Variants in KAT6A observed in about 807,000 individuals in gnomAD.
The protein encoded by KAT6A is histone acetyltransferase KAT6A.
KAT6A carries 9 observed loss-of-function variants against 198.4 expected under a neutral mutation model. That is an observed-to-expected ratio of 0.05 (90% CI 0.03 to 0.08). The LOEUF is 0.08. KAT6A is among the 10% of genes least tolerant of loss of function. The probability of loss-of-function intolerance (pLI) is 1.00; values close to 1 mark genes in which losing one functional copy is unlikely to be tolerated. For synonymous variants in KAT6A, 890 were observed against 883.0 expected (o/e 1.01, Z -0.14); for missense variants, 2,077 against 2,509.9 (o/e 0.83, Z 3.69).
intron 2 of KAT6A, among the ~76,000 whole-genome samples, chr8:42,022,348 C>G (rs1033458915): frequency 6.6e-6 from 1 of 150,634 alleles, no homozygotes; most frequent in Non-Finnish European, 1.5e-5. Context: ...GCAAAAAAAC[C>G]TAGATATTTC....
intron 7 of KAT6A, among the ~76,000 whole-genome samples, chr8:41,975,916 T>G (rs550295272): frequency 6.6e-6 from 1 of 152,370 alleles, no homozygotes; most frequent in African/African-American, 2.4e-5. Flanking sequence ...TCTGAGATTC[T>G]TTCCTAGTTT....
At chr8:42,019,303 C>T (rs965714897) in intron 2 of KAT6A, among the ~76,000 whole-genome samples, 1 of 151,922 alleles carries the variant, frequency 6.6e-6, no homozygotes, top group African/African-American at 2.4e-5. Flanking sequence ...TCTTATGTGC[C>T]AGGAACATTT....
intron 2 of KAT6A, among the ~76,000 whole-genome samples, chr8:41,991,565 A>C (rs927254659): frequency 6.6e-6 from 1 of 152,176 alleles, no homozygotes; most frequent in African/African-American, 2.4e-5. Flanking sequence ...TGTGTAGTTA[A>C]GGTGTACACT....
In KAT6A at chr8:42,049,156, G is replaced by C. The variant is rs891064319; in HGVS notation, c.-179C>G. ...AGAATGCCACCCCAATTGTACTATA[G>C]AAACCAAAACAACCTGTTGATTGAA... On this transcript the variant is annotated 5_prime_UTR_variant, in exon 2 of 17. Transcript: ENST00000265713. 3.3e-5 allele frequency: 20 copies of C among 614,082 alleles called. No individual in the cohort carries two copies. The highest frequency in any genetic ancestry group is 5.3e-5 in the Non-Finnish European group (19 of 358,468). 38.0% of individuals were successfully genotyped at this position (614,082 alleles called of 1,614,324 possible). A position where few individuals can be genotyped will look rare whatever the true frequency, so the allele number is the denominator to read the frequency against.
chr8:41,962,895 G>C (rs1823280353), intron 8 of KAT6A, among the ~76,000 whole-genome samples: 1 of 152,070 alleles, frequency 6.6e-6, no homozygotes, highest in Non-Finnish European at 1.5e-5. Flanking sequence ...CCTATGCCTG[G>C]AATGCTATTC....
rs1325940849 is a variant in KAT6A at position 41,931,582 on chromosome 8, A to C, written c.*623T>G. The C allele has an allele frequency of 5.0e-6, 1 of 201,714 alleles. No homozygotes were observed. Among genetic ancestry groups the C allele is most frequent in the Non-Finnish European group, 1.0e-5 (1 of 98,058 alleles). The allele number at this position is 201,714 out of a possible 1,614,324, so 12.5% of individuals were successfully genotyped here. On this transcript the variant is annotated 3_prime_UTR_variant, in exon 17 of 17. Coordinates refer to ENST00000265713, the MANE Select transcript of KAT6A (RefSeq NM_006766.5). ...TTTCAAGAGGTGTGTGTGTGTGAGG[A>C]GTGGAGGGGATTTTAAAAGGAGAAG...
At chr8:41,983,995 G>GC (rs1432042551) in intron 3 of KAT6A, among the ~76,000 whole-genome samples, 1 of 152,132 alleles carries the variant, frequency 6.6e-6, no homozygotes, top group Admixed American at 6.5e-5. Context: ...TACTTATATA[G>GC]CTTTTGGCCC....
chr8:41,972,204 G>A (rs1823828696), intron 8 of KAT6A, among the ~76,000 whole-genome samples: 1 of 152,100 alleles, frequency 6.6e-6, no homozygotes, highest in African/African-American at 2.4e-5. Flanking sequence ...CAAATAGGAA[G>A]AAGAAAAAGC....
Position 41,933,228 on chromosome 8 carries a change from T to TGGCGGC in KAT6A, c.4986_4991dup (p.Pro1663_Pro1664dup). The TGGCGGC allele has an allele frequency of 6.4e-7, 1 of 1,553,420 alleles. No individual in the cohort carries two copies. Among genetic ancestry groups the TGGCGGC allele is most frequent in the Non-Finnish European group, 8.7e-7 (1 of 1,153,414 alleles). On this transcript the variant is annotated inframe_insertion, in exon 17 of 17. Transcript: ENST00000265713. The surrounding 1 kb of genome is among the most constrained non-coding windows in gnomAD (Gnocchi z 6.2). Reference sequence around the variant, plus strand: ...GAGGCTGTGGTGCTGGTTGTGGTTGTGGCGGCGGCGGCTGTGGCTGCTGTG... The same window carrying TGGCGGC: ...GAGGCTGTGGTGCTGGTTGTGGTTGTGGCGGCGGCGGCGGCGGCTGTGGCTGCTGTG...
chr8:41,951,400 T>G (rs1822662255), intron 9 of KAT6A, among the ~76,000 whole-genome samples: 2 of 152,062 alleles, frequency 1.3e-5, no homozygotes, highest in Non-Finnish European at 2.9e-5. Context: ...TATAAACAAC[T>G]GCTGTTCTCT....
rs777227443 is a variant in KAT6A, at chr8:41,932,579, C to A, written c.5641G>T (p.Ala1881Ser). ...QQQLYGRSPS[A>S]VAMQAGPRAL... is the part of the protein sequence containing the mutation. ...CGAGGGCCAGCCTGCATGGCAACTGCCGATGGGCTACGGCCATACAGCTGC... is the reference window on the plus strand; with the variant it reads ...CGAGGGCCAGCCTGCATGGCAACTGACGATGGGCTACGGCCATACAGCTGC... Residue 1881 changes from alanine (A) to serine (S), a missense_variant, in exon 17 of 17, where the codon GCA becomes TCA. Physicochemically the swap from Ala to Ser is moderately conservative, Grantham distance 99. This residue lies in a region of KAT6A where 500 missense variants were observed against 577.2 expected (regional missense o/e 0.87). Coordinates refer to ENST00000265713, the MANE Select transcript of KAT6A (RefSeq NM_006766.5). The A allele has an allele frequency of 3.1e-6, 5 of 1,614,236 alleles. No individual in the cohort carries two copies. Among genetic ancestry groups the A allele is most frequent in the Non-Finnish European group, 4.2e-6 (5 of 1,180,030 alleles).
At chr8:42,044,362 A>T (rs1482310210) in intron 2 of KAT6A, among the ~76,000 whole-genome samples, 1 of 152,036 alleles carries the variant, frequency 6.6e-6, no homozygotes, top group African/African-American at 2.4e-5. Flanking sequence ...CGGCATCCCA[A>T]AGTGCTGGGA....
At chr8:42,051,305 G>GC (rs1802622416) in intron 1 of KAT6A, among the ~76,000 whole-genome samples, 1 of 151,718 alleles carries the variant, frequency 6.6e-6, no homozygotes, top group African/African-American at 2.4e-5. Flanking sequence ...CACGTGCTGC[G>GC]CCTCGCACCA....
rs928384143 is a variant in KAT6A, at chr8:42,031,722, C to T, written c.600+16656G>A. Among the ~76,000 whole-genome samples the T allele has an allele frequency of 2.7e-5, 4 of 148,566 alleles. No individual in the cohort carries two copies. The Admixed American group carries it at 2.7e-4, about 10-fold the overall frequency. ...TTGGCTCACCGCAACCTCCACCTCC[C>T]GGGTTCAAGCAATTCTCCCTGCCTC... On this transcript the variant is annotated intron_variant, in intron 2 of 16. Coordinates refer to ENST00000265713, the MANE Select transcript of KAT6A (RefSeq NM_006766.5).
chr8:42,047,676 G>GCTGGGATTA (rs1041398835), intron 2 of KAT6A, among the ~76,000 whole-genome samples: 5 of 152,090 alleles, frequency 3.3e-5, no homozygotes, highest in African/African-American at 1.2e-4. Flanking sequence ...CTCCCAAAGC[G>GCTGGGATTA]CTGGGATTAC....
At chr8:41,939,283 C>T (rs1821992227) in intron 15 of KAT6A, among the ~76,000 whole-genome samples, 1 of 152,158 alleles carries the variant, frequency 6.6e-6, no homozygotes, top group African/African-American at 2.4e-5. Flanking sequence ...AAGTAGAAAC[C>T]TGACAAACAA....
intron 7 of KAT6A, 150 bp downstream of exon 7, chr8:41,976,858 A>G (rs1824078512): frequency 3.1e-6 from 2 of 649,826 alleles, no homozygotes; most frequent in Non-Finnish European, 4.9e-6. Flanking sequence ...TTATCACCTC[A>G]GTATCATCTA....
intron 2 of KAT6A, among the ~76,000 whole-genome samples, chr8:42,003,244 A>C (rs367820308): frequency 6.6e-6 from 1 of 152,112 alleles, no homozygotes; most frequent in Non-Finnish European, 1.5e-5. Context: ...AGCTTCCTTC[A>C]GCTCTCAGAA....
At chr8:42,001,616 T>TGTGCA (rs1339975725) in intron 2 of KAT6A, among the ~76,000 whole-genome samples, 1 of 152,246 alleles carries the variant, frequency 6.6e-6, no homozygotes, top group Non-Finnish European at 1.5e-5. Flanking sequence ...AGTTTGATTC[T>TGTGCA]GTGCAGTGCA....
Sources: gnomAD v4.1 joint callset for allele counts (sites outside exome capture counted in the v4.1 genomes callset) on GRCh38, gnomAD v4.1.1 for gene constraint, gnomAD v4.1.1 regional missense constraint, Gnocchi (gnomAD v3.1) non-coding constraint, MANE v1.5 for transcripts, NCBI Gene and HGNC (gene_info 2026-07-23, HGNC 2026-07-21) for gene names.